PKD1: variants seen among roughly 807,000 people sequenced by gnomAD.
PKD1 encodes the protein polycystin-1.
PKD1 carries 81 observed loss-of-function variants against 361.7 expected under a neutral mutation model. The ratio of observed to expected loss-of-function variants is 0.22; its 90% CI spans 0.19 to 0.27. The LOEUF (loss-of-function observed/expected upper bound fraction) is 0.27, where lower values mean the gene tolerates loss of function less well. Among genes scored for constraint, PKD1 ranks in the 10% least tolerant of loss-of-function variants. PKD1 has a pLI of 1.00. For missense variants in PKD1, 6,399 were observed against 6,118.3 expected (o/e 1.05, Z -1.53); for synonymous variants, 3,615 against 2,818.3 (o/e 1.28, Z -8.95).
intron 30 of PKD1, chr16:2,098,186 G>C (rs2091926589): frequency 5.0e-6 from 3 of 600,552 alleles, no homozygotes; most frequent in Admixed American, 2.9e-5. Context: ...CAGCAGACTG[G>C]TGCAGCTAAG....
At position 2,118,218 on chromosome 16, in the gene PKD1, G is replaced by A. The variant is rs749290673; in HGVS notation, c.774C>T (p.Thr258=). The change falls in exon 5 of 46, where the codon ACC becomes ACT. Residue 258 remains threonine (T), a synonymous_variant. Coordinates refer to ENST00000262304, the MANE Select transcript of PKD1 (RefSeq NM_001009944.3). The surrounding 1 kb of genome is among the most constrained non-coding windows in gnomAD (Gnocchi z 6.0). ...CSGPPPPPAP[T]CRGPTLLQHV... The stretch of plus-strand genomic sequence containing the variant: ...GCTGGAGGAGGGTGGGGCCCCTACA[G>A]GTGGGGGCAGGAGGTGGCGGGGGGC... 37 of 1,527,990 alleles carry A rather than the reference G, an allele frequency of 2.4e-5. No homozygotes were observed. The highest frequency in any genetic ancestry group is 3.2e-5 in the Non-Finnish European group (36 of 1,137,182). The allele number at this position is 1,527,990 out of a possible 1,614,324, so 94.7% of individuals were successfully genotyped here.
chr16:2,127,793 C>T (rs951284132), intron 1 of PKD1, among the ~76,000 whole-genome samples: 6 of 150,848 alleles, frequency 4.0e-5, no homozygotes, highest in African/African-American at 2.4e-5. Flanking sequence ...GGCGCTGGGA[C>T]GTGAACCCAG....
chr16:2,110,994 A>T lies in PKD1; in HGVS notation c.4173T>A (p.Phe1391Leu), dbSNP rs909232517. ...GCCAGGCCTCGTCCCCGAGCTGCAC[A>T]AACTGCCTCTCTGGCTGCAGGGTGA... The part of the protein sequence containing the change: ...GNVTLQPERQ[F>L]VQLGDEAWLV... The change falls in exon 15 of 46, where the codon TTT becomes TTA. Residue 1391 changes from phenylalanine to leucine, a missense_variant. Transcript: ENST00000262304. 1.9e-6 allele frequency: 3 copies of T among 1,610,522 alleles called. No homozygotes were observed. In the African/African-American group the frequency reaches 4.0e-5, roughly 22 times the overall value.
At chr16:2,098,958 G>A (rs1212110580) in intron 30 of PKD1, 1 of 160,426 alleles carries the variant, frequency 6.2e-6, no homozygotes, top group Non-Finnish European at 1.4e-5. Context: ...AGCCTCTCGA[G>A]TAGCTGGGAC....
intron 31 of PKD1, 24 bp from the exon 32 acceptor site, chr16:2,097,804 G>A: frequency 3.7e-6 from 6 of 1,611,446 alleles, no homozygotes; most frequent in Non-Finnish European, 5.1e-6. Context: ...AGTGTCTTGA[G>A]TCCAAGCTGC....
rs774789461 is a variant in PKD1 at position 2,089,894 on chromosome 16, G to A, written c.12745C>T (p.Arg4249Cys). The A allele has an allele frequency of 1.1e-5, 18 of 1,611,216 alleles. No individual in the cohort carries two copies. Among genetic ancestry groups the A allele is most frequent in the South Asian group, 2.2e-5 (2 of 90,858 alleles). The change falls in exon 46 of 46, where the codon CGC (arginine) becomes TGC (cysteine). Residue 4249 changes from arginine to cysteine, a missense_variant. Transcript: ENST00000262304. Reference sequence around the variant, plus strand: ...CCGGCGGGCGCCCGGCTGCTCCTGCGGCCTTGCAGGCTGTGCAGCTGCTGC... The same window carrying A: ...CCGGCGGGCGCCCGGCTGCTCCTGCAGCCTTGCAGGCTGTGCAGCTGCTGC... The part of the protein sequence containing the change: ...LEQQLHSLQG[R>C]RSSRAPAGSS...
rs745763060 is a variant in PKD1 at position 2,094,132 on chromosome 16, C to A, written c.10578G>T (p.Leu3526=). The A allele has an allele frequency of 3.6e-5, 57 of 1,596,102 alleles. No individual in the cohort carries two copies. The highest frequency in any genetic ancestry group is 4.9e-5 in the Non-Finnish European group (57 of 1,171,534). Residue 3526 remains leucine (L), a synonymous_variant, in exon 35 of 46, where the codon CTG becomes CTT. Coordinates refer to ENST00000262304, the MANE Select transcript of PKD1 (RefSeq NM_001009944.3). ...LGELGPPSPG[L]NWEQPQAARL... ...TCGCTGCCTGGGGCTGTTCCCAGTT[C>A]AGGCCTGGGCTGGGTGGCCCCAGCT...
intron 30 of PKD1, chr16:2,099,121 C>T (rs1234923143): frequency 7.5e-5 from 20 of 264,966 alleles, no homozygotes; most frequent in South Asian, 6.9e-4. Flanking sequence ...CGTGAGCCAC[C>T]GCGCCTGGCC....
chr16:2,106,534 C>T lies in PKD1; in HGVS notation c.7353G>A (p.Leu2451=). The change falls in exon 18 of 46, where the codon CTG becomes CTA. Residue 2451 remains leucine (L), a synonymous_variant. Transcript: ENST00000262304. This position sits in a 1 kb window ranked among gnomAD's most constrained non-coding sequence, Gnocchi z 6.5. ...AGCCCTCCTCCTCGCCAGAGCGGCC[C>T]AGCACCGTGAGCGTGAAGGTGTATC... ...GEGYTFTLTV[L]GRSGEEEGCA... The T allele has an allele frequency of 6.3e-7, 1 of 1,596,382 alleles. No individual in the cohort carries two copies. Among genetic ancestry groups the T allele is most frequent in the South Asian group, 1.1e-5 (1 of 90,872 alleles).
chr16:2,100,993 CTTTT>C lies in PKD1; in HGVS notation c.9398-431_9398-428del, dbSNP rs1038398442. Among the ~76,000 whole-genome samples the C allele has an allele frequency of 6.7e-6, 1 of 148,996 alleles. No individual in the cohort carries two copies. Among genetic ancestry groups the C allele is most frequent in the African/African-American group, 2.5e-5 (1 of 40,504 alleles). On this transcript the variant is annotated intron_variant, in intron 26 of 45. Coordinates refer to ENST00000262304, the MANE Select transcript of PKD1 (RefSeq NM_001009944.3). The surrounding 1 kb of genome is among the most constrained non-coding windows in gnomAD (Gnocchi z 4.4). Reference sequence around the variant, plus strand: ...AGACCCAGGTGACAGTATTTTTTTTCTTTTTTTTTTGAGATGGAGTCTTGCTGTG... The same window carrying C: ...AGACCCAGGTGACAGTATTTTTTTTCTTTTTTGAGATGGAGTCTTGCTGTG...
At position 2,089,839 on chromosome 16, in the gene PKD1, C is replaced by A; in HGVS notation, c.12800G>T (p.Arg4267Leu). 3 of 1,604,990 alleles carry A rather than the reference C, an allele frequency of 1.9e-6. No individual in the cohort carries two copies. Among genetic ancestry groups the A allele is most frequent in the Non-Finnish European group, 2.5e-6 (3 of 1,176,530 alleles). Residue 4267 changes from arginine to leucine, a missense_variant, in exon 46 of 46, where the codon CGG becomes CTG. Transcript: ENST00000262304. Reference protein sequence around the residue: ...GSSRGPSPGLRPALPSRLARA... With the variant: ...GSSRGPSPGLLPALPSRLARA... ...GGCAAGGCGGCTGGGCAGTGCTGGC[C>A]GCAGGCCCGGGGATGGGCCACGGGA...
intron 30 of PKD1, 50 bp from the exon 31 acceptor site, chr16:2,098,034 G>C: frequency 1.0e-5 from 10 of 1,003,904 alleles, no homozygotes; most frequent in Non-Finnish European, 1.6e-5. Context: ...ACCTGCTCAG[G>C]ACAGGGATGA....
At chr16:2,125,780 C>T (rs1044808442) in intron 1 of PKD1, among the ~76,000 whole-genome samples, 7 of 151,874 alleles carry the variant, frequency 4.6e-5, no homozygotes, top group Non-Finnish European at 8.8e-5. Context: ...TGCCCCTGCA[C>T]GCAGCTGACA....
At position 2,100,993 on chromosome 16, in the gene PKD1, C is replaced by G. The variant is rs139585603; in HGVS notation, c.9398-427G>C. On this transcript the variant is annotated intron_variant, in intron 26 of 45. Coordinates refer to ENST00000262304, the MANE Select transcript of PKD1 (RefSeq NM_001009944.3). This position sits in a 1 kb window ranked among gnomAD's most constrained non-coding sequence, Gnocchi z 4.4. ...AGACCCAGGTGACAGTATTTTTTTT[C>G]TTTTTTTTTTGAGATGGAGTCTTGC... 6.7e-6 allele frequency among the ~76,000 whole-genome samples: 1 copy of G among 148,996 alleles called. No individual in the cohort carries two copies. Among genetic ancestry groups the G allele is most frequent in the Non-Finnish European group, 1.5e-5 (1 of 67,140 alleles).
chr16:2,115,749 T>C (rs2092622019), intron 9 of PKD1, 124 bp from the exon 10 acceptor site: 6 of 1,068,516 alleles, frequency 5.6e-6, no homozygotes, highest in Non-Finnish European at 6.8e-6. Flanking sequence ...TGGGCAGCAC[T>C]CCCAGCCCAG....
In PKD1 at chr16:2,092,030, G is replaced by A. The variant is rs986637119; in HGVS notation, c.11411+17C>T. 56 of 1,612,590 alleles carry A rather than the reference G, an allele frequency of 3.5e-5. No individual in the cohort carries two copies. The highest frequency in any genetic ancestry group is 4.2e-5 in the Non-Finnish European group (50 of 1,179,948). On this transcript the variant is annotated intron_variant, in intron 40 of 45. Transcript: ENST00000262304. ...CTTGTCCTTGGCGTAGACGCCCGGG[G>A]CCCTCGCTCTGCTCACCCCAGCAGA...
rs766063102 is a variant in PKD1, at chr16:2,100,600, T to G, written c.9398-34A>C. 1 of 1,586,630 alleles carries G rather than the reference T, an allele frequency of 6.3e-7. No individual in the cohort carries two copies. Among genetic ancestry groups the G allele is most frequent in the South Asian group, 1.1e-5 (1 of 90,502 alleles). On this transcript the variant is annotated intron_variant, in intron 26 of 45. Coordinates refer to ENST00000262304, the MANE Select transcript of PKD1 (RefSeq NM_001009944.3). The surrounding 1 kb of genome is among the most constrained non-coding windows in gnomAD (Gnocchi z 4.4). ...CAAGAGGGAGGGGTGGGAGGCTCGG[T>G]CTGCTGCCCAACACGTGTGGCATCC...
At chr16:2,103,055 T>C (rs1223582044) in intron 23 of PKD1, 85 bp from the exon 24 acceptor site, 1 of 1,477,952 alleles carries the variant, frequency 6.8e-7, no homozygotes, top group Non-Finnish European at 9.3e-7. Context: ...GAGCCCACCC[T>C]CTGCCACGGG....
Position 2,103,590 on chromosome 16 carries a change from C to T in PKD1, c.8467G>A (p.Val2823Met). The T allele has an allele frequency of 5.0e-6, 8 of 1,610,390 alleles. No homozygotes were observed. Among genetic ancestry groups the T allele is most frequent in the Non-Finnish European group, 5.9e-6 (7 of 1,179,702 alleles). The change falls in exon 23 of 46, where the codon GTG becomes ATG. Residue 2823 changes from valine (V) to methionine (M), a missense_variant. Transcript: ENST00000262304. The stretch of plus-strand genomic sequence containing the variant: ...GAGTCCACCAGAAAGATGAGCTGCA[C>T]CACGTCACTGAGGTTGGCCAGGGCC... ...SGALANLSDV[V>M]QLIFLVDSNP...
Sources: allele counts gnomAD v4.1 joint callset (sites outside exome capture counted in the v4.1 genomes callset), GRCh38; gene constraint gnomAD v4.1.1; non-coding constraint Gnocchi (gnomAD v3.1); transcripts MANE v1.5; gene names NCBI Gene and HGNC (gene_info 2026-07-23, HGNC 2026-07-21).